The following GAA variants were observed in gnomAD, a reference collection of about 807,000 sequenced individuals.
GAA encodes alpha glucosidase, also known as lysosomal alpha-glucosidase.
A neutral mutation model predicts 103.9 loss-of-function variants in GAA; 88 were observed. The ratio of observed to expected loss-of-function variants is 0.85; its 90% CI spans 0.71 to 1.01. GAA has a LOEUF of 1.01. Among genes scored for constraint, GAA ranks in the 50% least tolerant of loss-of-function variants. The pLI is 0.00. For synonymous variants in GAA, 572 were observed against 563.1 expected (o/e 1.02, Z -0.22); for missense variants, 1,350 against 1,305.3 (o/e 1.03, Z -0.53).
rs1331623680 is a variant in GAA, at chr17:80,107,781, C to T, written c.859-19C>T. 17 of 1,609,710 alleles carry T rather than the reference C, an allele frequency of 1.1e-5. No individual in the cohort carries two copies. The highest frequency in any genetic ancestry group is 3.3e-5 in the South Asian group (3 of 90,884). On this transcript the variant is annotated intron_variant, in intron 4 of 19. Coordinates refer to ENST00000302262, the MANE Select transcript of GAA (RefSeq NM_000152.5). ...CTGGGGAGCGCAGGTGCTGAAGCGC[C>T]GTCTCCTGCATGTCCCAGCCCGGTG...
rs1342164841 is a variant in GAA at position 80,105,909 on chromosome 17, C to T, written c.692+15C>T. 1.3e-6 allele frequency: 2 copies of T among 1,586,010 alleles called. No individual in the cohort carries two copies. Among genetic ancestry groups the T allele is most frequent in the Non-Finnish European group, 1.7e-6 (2 of 1,169,164 alleles). ...GGCCGCGTGCTGTGAGTTCTGGGCT[C>T]TGTGCCAGCATGATGGGGAGGGCGA... is the stretch of plus-strand genomic sequence containing the variant. On this transcript the variant is annotated intron_variant, in intron 3 of 19. Transcript: ENST00000302262.
rs2039432481 is a variant in GAA, at chr17:80,119,369, G to T, written c.*38G>T. 1.9e-6 allele frequency: 3 copies of T among 1,568,140 alleles called. No homozygotes were observed. The highest frequency in any genetic ancestry group is 1.4e-5 in the African/African-American group (1 of 73,864). ...TGTTAGTCTCTCCAGAGGGAGGCTG[G>T]TTCCCCAGGGAAGCAGAGCCTGTGT... On this transcript the variant is annotated 3_prime_UTR_variant, in exon 20 of 20. Transcript: ENST00000302262.
chr17:80,113,510 T>A, intron 15 of GAA, 144 bp downstream of exon 15: 1 of 761,716 alleles, frequency 1.3e-6, no homozygotes, highest in Non-Finnish European at 2.0e-6. Flanking sequence ...GGGCCTGGCT[T>A]AAGGGGGAAG....
chr17:80,107,840 C>G lies in GAA; in HGVS notation c.899C>G (p.Ala300Gly). The G allele has an allele frequency of 2.5e-6, 4 of 1,612,166 alleles. No individual in the cohort carries two copies. Among genetic ancestry groups the G allele is most frequent in the Middle Eastern group, 1.7e-4 (1 of 5,836 alleles). Reference sequence around the variant, plus strand: ...TACGGGTCTCACCCTTTCTACCTGGCGCTGGAGGACGGCGGGTCGGCACAC... The same window carrying G: ...TACGGGTCTCACCCTTTCTACCTGGGGCTGGAGGACGGCGGGTCGGCACAC... Reference protein sequence around the residue: ...NLYGSHPFYLALEDGGSAHGV... With the variant: ...NLYGSHPFYLGLEDGGSAHGV... The change falls in exon 5 of 20, where the codon GCG (alanine) becomes GGG (glycine). Residue 300 changes from alanine to glycine, a missense_variant. Coordinates refer to ENST00000302262, the MANE Select transcript of GAA (RefSeq NM_000152.5).
intron 9 of GAA, among the ~76,000 whole-genome samples, 175 bp downstream of exon 9, chr17:80,110,230 C>T (rs1323542767): frequency 2.6e-5 from 4 of 152,254 alleles, no homozygotes; most frequent in Non-Finnish European, 4.4e-5. Flanking sequence ...GGAATGGCCC[C>T]GTGAGTTCTT....
Position 80,114,519 on chromosome 17 carries a change from A to G in GAA, c.2189+1153A>G, listed in dbSNP as rs72850844. Among the ~76,000 whole-genome samples, 6,638 of 152,146 alleles carry G rather than the reference A, an allele frequency of 0.044. 305 individuals carry two copies. The highest frequency in any genetic ancestry group is 0.24 in the East Asian group (1,242 of 5,170). ...ATGCCAACTTGCTTTCAATAGCATA[A>G]AAAAGCTTTGCTTCTATGTGGTTTC... is the stretch of plus-strand genomic sequence containing the variant. On this transcript the variant is annotated intron_variant, in intron 15 of 19. Transcript: ENST00000302262.
At chr17:80,110,177 A>C in intron 9 of GAA, 122 bp downstream of exon 9, 1 of 756,916 alleles carries the variant, frequency 1.3e-6, no homozygotes, top group Admixed American at 2.3e-5. Context: ...GACAGCTGAG[A>C]GGAATGGGCC....
chr17:80,115,352 T>A (rs2039336126), intron 15 of GAA, among the ~76,000 whole-genome samples: 2 of 152,210 alleles, frequency 1.3e-5, no homozygotes, highest in Admixed American at 1.3e-4. Flanking sequence ...TCTCATCTGC[T>A]GTTGAGCCCC....
intron 16 of GAA, among the ~76,000 whole-genome samples, chr17:80,117,319 G>T (rs1042689041): frequency 6.6e-6 from 1 of 152,228 alleles, no homozygotes; most frequent in Non-Finnish European, 1.5e-5. Context: ...AGCAGACTGA[G>T]GCCTGCTTGC....
In GAA at chr17:80,103,431, C is replaced by T. The variant is rs58959690; in HGVS notation, c.-32-1124C>T. Among the ~76,000 whole-genome samples the T allele has an allele frequency of 0.2, 30,210 of 152,046 alleles. 3,406 individuals are homozygous for T. Among genetic ancestry groups the T allele is most frequent in the Middle Eastern group, 0.31 (91 of 294 alleles). ...GCGGTGGCTCTCCCAGCCTTCCCCA[C>T]GCCCTCCCCATGGTGTATTACACAC... On this transcript the variant is annotated intron_variant, in intron 1 of 19. Coordinates refer to ENST00000302262, the MANE Select transcript of GAA (RefSeq NM_000152.5).
At chr17:80,105,256 G>A (rs925081367) in intron 2 of GAA, 124 bp downstream of exon 2, 41 of 996,964 alleles carry the variant, frequency 4.1e-5, no homozygotes, top group Non-Finnish European at 5.2e-5. Flanking sequence ...TGCTGGGAGC[G>A]GAGGTGTGAG....
chr17:80,119,058 C>G (rs144890774), intron 19 of GAA, among the ~76,000 whole-genome samples: 75 of 152,288 alleles, frequency 4.9e-4, no homozygotes, highest in African/African-American at 1.7e-3. Flanking sequence ...TTCTGGCGTG[C>G]GTTAAGGTGA....
rs536375882 is a variant in GAA at position 80,104,308 on chromosome 17, G to A, written c.-32-247G>A. ...TGGTCTTCCTGGGGACATTCTAAGC[G>A]TGTTTGATTTGTAACATTTTAGCAG... On this transcript the variant is annotated intron_variant, in intron 1 of 19. Coordinates refer to ENST00000302262, the MANE Select transcript of GAA (RefSeq NM_000152.5). This position sits in a 1 kb window ranked among gnomAD's most constrained non-coding sequence, Gnocchi z 4.0. Among the ~76,000 whole-genome samples, 7 of 152,230 alleles carry A rather than the reference G, an allele frequency of 4.6e-5. No homozygotes were observed. In the South Asian group the frequency reaches 1.0e-3, roughly 23 times the overall value.
chr17:80,119,494 G>T lies in GAA; in HGVS notation c.*163G>T, dbSNP rs761668638. On this transcript the variant is annotated 3_prime_UTR_variant, in exon 20 of 20. Coordinates refer to ENST00000302262, the MANE Select transcript of GAA (RefSeq NM_000152.5). ...CGCATCGCTTGTTTCCACCTCCTGG[G>T]CCGGGGCTCTGGCCCCCAACGTGTC... The T allele has an allele frequency of 4.8e-5, 33 of 691,730 alleles. No individual in the cohort carries two copies. The highest frequency in any genetic ancestry group is 8.1e-5 in the Non-Finnish European group (31 of 382,692). The allele number at this position is 691,730 out of a possible 1,614,324, so 42.8% of individuals were successfully genotyped here.
intron 15 of GAA, among the ~76,000 whole-genome samples, chr17:80,113,646 A>G (rs2039298948): frequency 1.3e-5 from 2 of 152,188 alleles, no homozygotes; most frequent in South Asian, 4.1e-4. Context: ...TTAGTTAACT[A>G]TTTGCAGAAG....
At chr17:80,108,107 C>T (rs2039138224) in intron 5 of GAA, among the ~76,000 whole-genome samples, 183 bp from the exon 6 acceptor site, 3 of 152,326 alleles carry the variant, frequency 2.0e-5, no homozygotes, top group African/African-American at 7.2e-5. Context: ...GCTGGCACCA[C>T]ATATCTTTCC....
intron 17 of GAA, 143 bp from the exon 18 acceptor site, chr17:80,118,050 T>A (rs1179078187): frequency 2.0e-6 from 2 of 989,238 alleles, no homozygotes; most frequent in African/African-American, 3.3e-5. Context: ...ACCACGGGGT[T>A]CCAGCCCCTG....
intron 18 of GAA, 35 bp from the exon 19 acceptor site, chr17:80,118,618 T>C (rs748304990): frequency 6.2e-7 from 1 of 1,609,498 alleles, no homozygotes; most frequent in South Asian, 1.1e-5. Context: ...CACCTCCACA[T>C]TCTCTGCCTT....
In GAA at chr17:80,107,618, C is replaced by T. The variant is rs1598575013; in HGVS notation, c.754C>T (p.Leu252=). ...ADQFLQLSTS[L]PSQYITGLAE... is the part of the protein sequence containing the mutation. Reference sequence around the variant, plus strand: ...CCAGTTCCTTCAGCTGTCCACCTCGCTGCCCTCGCAGTATATCACAGGCCT... The same window carrying T: ...CCAGTTCCTTCAGCTGTCCACCTCGTTGCCCTCGCAGTATATCACAGGCCT... The change falls in exon 4 of 20, where the codon CTG becomes TTG. Residue 252 remains leucine, a synonymous_variant. Coordinates refer to ENST00000302262, the MANE Select transcript of GAA (RefSeq NM_000152.5). 4 of 1,613,242 alleles carry T rather than the reference C, an allele frequency of 2.5e-6. No homozygotes were observed. The highest frequency in any genetic ancestry group is 2.2e-5 in the South Asian group (2 of 91,088).
Sources: gnomAD v4.1 joint callset for allele counts (sites outside exome capture counted in the v4.1 genomes callset) on GRCh38, gnomAD v4.1.1 for gene constraint, Gnocchi (gnomAD v3.1) non-coding constraint, MANE v1.5 for transcripts, NCBI Gene and HGNC (gene_info 2026-07-23, HGNC 2026-07-21) for gene names.